EHMT1: variants seen among roughly 807,000 people sequenced by gnomAD.
EHMT1 encodes euchromatic histone lysine methyltransferase 1, also known as histone-lysine N-methyltransferase EHMT1.
A neutral mutation model predicts 147.2 loss-of-function variants in EHMT1; 15 were observed. The ratio of observed to expected loss-of-function variants is 0.10; its 90% CI spans 0.07 to 0.16. The LOEUF (loss-of-function observed/expected upper bound fraction) is 0.16. Among genes scored for constraint, EHMT1 ranks in the 10% least tolerant of loss-of-function variants. The pLI is 1.00. For missense variants in EHMT1, 1,587 were observed against 1,772.4 expected (o/e 0.90, Z 1.88); for synonymous variants, 795 against 709.6 (o/e 1.12, Z -1.91).
At chr9:137,834,272 A>C in intron 25 of EHMT1, 77 bp from the exon 26 acceptor site, 1 of 1,582,916 alleles carries the variant, frequency 6.3e-7, no homozygotes, top group Admixed American at 1.7e-5. Context: ...CGGGACTGCC[A>C]TGCATGGCCG....
At chr9:137,755,092 C>T (rs1475047057) in intron 8 of EHMT1, among the ~76,000 whole-genome samples, 1 of 152,194 alleles carries the variant, frequency 6.6e-6, no homozygotes, top group Admixed American at 6.5e-5. Context: ...GTGCACCTGG[C>T]ATCCAATAAA....
intron 4 of EHMT1, among the ~76,000 whole-genome samples, chr9:137,729,212 C>T (rs1946885502): frequency 2.0e-5 from 3 of 152,176 alleles, no homozygotes. Flanking sequence ...AGCCGGCCCT[C>T]GTGAATGCTG....
At chr9:137,684,774 A>T (rs887427523) in intron 1 of EHMT1, among the ~76,000 whole-genome samples, 1 of 152,220 alleles carries the variant, frequency 6.6e-6, no homozygotes, top group Non-Finnish European at 1.5e-5. Context: ...TGTAGGCATG[A>T]GCCACCATAC....
intron 1 of EHMT1, among the ~76,000 whole-genome samples, chr9:137,706,037 T>C (rs1944240281): frequency 7.1e-6 from 1 of 140,024 alleles, no homozygotes; most frequent in Non-Finnish European, 1.5e-5. Flanking sequence ...CTCCTCTGCC[T>C]TGTGCGTTGG....
chr9:137,743,698 C>T (rs1240234671), intron 5 of EHMT1, among the ~76,000 whole-genome samples, 170 bp downstream of exon 5: 1 of 152,182 alleles, frequency 6.6e-6, no homozygotes, highest in Non-Finnish European at 1.5e-5. Context: ...TTGTGGGGGA[C>T]TCCACCCCGT....
At chr9:137,638,752 A>G (rs560886421) in intron 1 of EHMT1, among the ~76,000 whole-genome samples, 2 of 152,032 alleles carry the variant, frequency 1.3e-5, no homozygotes, top group East Asian at 3.9e-4. Context: ...TAAAAAAAAA[A>G]GGATGCCTTG....
In EHMT1 at chr9:137,778,044, C is replaced by T. The variant is rs377163037; in HGVS notation, c.2181C>T (p.Leu727=). The T allele has an allele frequency of 1.7e-5, 28 of 1,613,800 alleles. No homozygotes were observed. Among genetic ancestry groups the T allele is most frequent in the African/African-American group, 6.7e-5 (5 of 74,992 alleles). Residue 727 remains leucine, a synonymous_variant, in exon 13 of 27, where the codon CTC becomes CTT. Transcript: ENST00000460843. The part of the protein sequence containing the change: ...KETLESALIA[L]DSEKPKKLRF... ...CCTTGGAGAGCGCTCTCATCGCCCTCGACTCGGAAAAGTAAGACCTGACAT... is the reference window on the plus strand; with the variant it reads ...CCTTGGAGAGCGCTCTCATCGCCCTTGACTCGGAAAAGTAAGACCTGACAT...
At chr9:137,726,884 C>T (rs1394456903) in intron 3 of EHMT1, among the ~76,000 whole-genome samples, 1 of 152,196 alleles carries the variant, frequency 6.6e-6, no homozygotes, top group Non-Finnish European at 1.5e-5. Flanking sequence ...GAATGGTACT[C>T]ACCGTGGTTT....
At chr9:137,791,114 C>G in intron 16 of EHMT1, 144 bp downstream of exon 16, 1 of 1,378,066 alleles carries the variant, frequency 7.3e-7, no homozygotes, top group Non-Finnish European at 1.0e-6. Context: ...TCCTTCATCT[C>G]ACTTTGGTTA....
At chr9:137,623,297 T>C (rs1163323958) in intron 1 of EHMT1, among the ~76,000 whole-genome samples, 1 of 152,024 alleles carries the variant, frequency 6.6e-6, no homozygotes, top group African/African-American at 2.4e-5. Context: ...CACCTTTCCC[T>C]GTGTCTGATG....
At chr9:137,740,552 G>A (rs1414019769) in intron 4 of EHMT1, among the ~76,000 whole-genome samples, 2 of 152,312 alleles carry the variant, frequency 1.3e-5, no homozygotes, top group East Asian at 3.9e-4. Flanking sequence ...GACACAGCTG[G>A]AAGTCCCCCT....
At chr9:137,814,976 G>A (rs920439503) in intron 22 of EHMT1, 2 of 274,556 alleles carry the variant, frequency 7.3e-6, no homozygotes, top group Non-Finnish European at 1.4e-5. Flanking sequence ...AGGAGCCCAG[G>A]TTGGAGGCTG....
intron 4 of EHMT1, among the ~76,000 whole-genome samples, chr9:137,740,054 T>C (rs1384944655): frequency 6.6e-6 from 1 of 152,134 alleles, no homozygotes; most frequent in Non-Finnish European, 1.5e-5. Flanking sequence ...CTTGCTTTTT[T>C]CCCTCACTTC....
chr9:137,743,935 G>A lies in EHMT1; in HGVS notation c.1015G>A (p.Val339Met), dbSNP rs758535346. 11 of 1,613,636 alleles carry A rather than the reference G, an allele frequency of 6.8e-6. No individual in the cohort carries two copies. Among genetic ancestry groups the A allele is most frequent in the South Asian group, 2.2e-5 (2 of 91,070 alleles). ...EKDLGASSLH[V>M]NGESLEMDSD... Reference sequence around the variant, plus strand: ...GGACCTGGGCGCCAGCAGCCTGCACGTGAATGGGGAGAGCCTGGAGATGGA... The same window carrying A: ...GGACCTGGGCGCCAGCAGCCTGCACATGAATGGGGAGAGCCTGGAGATGGA... Residue 339 changes from valine (V) to methionine (M), a missense_variant, in exon 6 of 27, where the codon GTG becomes ATG. This residue lies in a region of EHMT1 where 810 missense variants were observed against 673.0 expected (regional missense o/e 1.20). Coordinates refer to ENST00000460843, the MANE Select transcript of EHMT1 (RefSeq NM_024757.5).
intron 1 of EHMT1, among the ~76,000 whole-genome samples, chr9:137,685,969 G>C (rs1198194084): frequency 6.9e-6 from 1 of 145,266 alleles, no homozygotes; most frequent in African/African-American, 2.5e-5. Flanking sequence ...TCAGTCACGG[G>C]ATCTCACTGT....
chr9:137,819,651 GA>G (rs1482131367), intron 25 of EHMT1, among the ~76,000 whole-genome samples: 10 of 71,528 alleles, frequency 1.4e-4, no homozygotes, highest in Admixed American at 4.1e-4. Context: ...TAGAGAGGCT[GA>G]GGGGGGGGGC....
intron 4 of EHMT1, among the ~76,000 whole-genome samples, chr9:137,736,395 C>G (rs1947530925): frequency 6.6e-6 from 1 of 152,202 alleles, no homozygotes; most frequent in African/African-American, 2.4e-5. Context: ...TCAGTATCCA[C>G]TTATCAATAA....
chr9:137,639,479 G>A (rs1379535384), intron 1 of EHMT1, among the ~76,000 whole-genome samples: 1 of 152,122 alleles, frequency 6.6e-6, no homozygotes, highest in Non-Finnish European at 1.5e-5. Flanking sequence ...TTTGCCTCGT[G>A]TTTTGAGACT....
At chr9:137,820,464 A>C (rs550012296) in intron 25 of EHMT1, among the ~76,000 whole-genome samples, 1 of 152,166 alleles carries the variant, frequency 6.6e-6, no homozygotes, top group East Asian at 1.9e-4. Context: ...TTCATTTCCT[A>C]ATGATGTCTA....
Sources: gnomAD v4.1 joint callset for allele counts (sites outside exome capture counted in the v4.1 genomes callset) on GRCh38, gnomAD v4.1.1 for gene constraint, gnomAD v4.1.1 regional missense constraint, MANE v1.5 for transcripts, NCBI Gene and HGNC (gene_info 2026-07-23, HGNC 2026-07-21) for gene names.